Variants in SMARCA5 observed in about 807,000 individuals in gnomAD.
SMARCA5 encodes the protein SNF2 related chromatin remodeling ATPase 5.
Under a neutral mutation model 140.4 loss-of-function variants are expected in SMARCA5, and 18 were observed. That is an observed-to-expected ratio of 0.13 (90% CI 0.09 to 0.19). SMARCA5 has a LOEUF of 0.19. SMARCA5 is among the 10% of genes least tolerant of loss of function. SMARCA5 has a pLI of 1.00. For missense variants in SMARCA5, 606 were observed against 1,276.8 expected (o/e 0.47, Z 8.01); for synonymous variants, 449 against 419.6 (o/e 1.07, Z -0.86).
At chr4:143,530,800 ATAAT>A (rs1324358831) in intron 9 of SMARCA5, among the ~76,000 whole-genome samples, 1 of 152,102 alleles carries the variant, frequency 6.6e-6, no homozygotes, top group Non-Finnish European at 1.5e-5. Context: ...GAATTGCATA[ATAAT>A]TAATATAGAC....
At position 143,521,629 on chromosome 4, in the gene SMARCA5, A is replaced by C. The variant is rs1452134651; in HGVS notation, c.419+34A>C. 5 of 1,549,380 alleles carry C rather than the reference A, an allele frequency of 3.2e-6. No individual in the cohort carries two copies. In the South Asian group the frequency reaches 6.0e-5, roughly 19 times the overall value. On this transcript the variant is annotated intron_variant, in intron 3 of 23. Transcript: ENST00000283131. Reference sequence around the variant, plus strand: ...TAGTTTAAACTTCATAGTTCAACCAAACTTATTTTCGATAGTCTTCAGTGG... The same window carrying C: ...TAGTTTAAACTTCATAGTTCAACCACACTTATTTTCGATAGTCTTCAGTGG...
At chr4:143,526,556 G>C in intron 6 of SMARCA5, 96 bp downstream of exon 6, 1 of 775,796 alleles carries the variant, frequency 1.3e-6, no homozygotes, top group Admixed American at 2.5e-5. Flanking sequence ...AATGAGACGG[G>C]ATCTTCGCAA....
intron 4 of SMARCA5, 39 bp downstream of exon 4, chr4:143,524,506 T>A: frequency 7.6e-7 from 1 of 1,315,740 alleles, no homozygotes; most frequent in South Asian, 1.2e-5. Context: ...AAAATTGCCC[T>A]TTGAGATCTC....
intron 9 of SMARCA5, among the ~76,000 whole-genome samples, chr4:143,532,536 C>CT (rs1737211256): frequency 6.6e-6 from 1 of 152,144 alleles, no homozygotes. Flanking sequence ...TTCTCCTGCT[C>CT]TTTACTTTGA....
At chr4:143,552,664 A>T (rs1457127794) in intron 23 of SMARCA5, among the ~76,000 whole-genome samples, 1 of 152,050 alleles carries the variant, frequency 6.6e-6, no homozygotes, top group Non-Finnish European at 1.5e-5. Context: ...TATTTCAGTG[A>T]TGTTTTAGCA....
Position 143,547,512 on chromosome 4 carries a change from C to T in SMARCA5, c.2772+9C>T, listed in dbSNP as rs772285597. On this transcript the variant is annotated intron_variant, in intron 21 of 23. Coordinates refer to ENST00000283131, the MANE Select transcript of SMARCA5 (RefSeq NM_003601.4). The stretch of plus-strand genomic sequence containing the variant: ...AAGCACTTGACACAAAGGTAATTTG[C>T]TTGTTAATAAGTTAGGTAGTTAATA... 1 of 1,424,294 alleles carries T rather than the reference C, an allele frequency of 7.0e-7. No homozygotes were observed. Among genetic ancestry groups the T allele is most frequent in the Non-Finnish European group, 9.9e-7 (1 of 1,008,788 alleles). The allele number at this position is 1,424,294 out of a possible 1,614,324, so 88.2% of individuals were successfully genotyped here.
chr4:143,535,981 C>T (rs969764856), intron 10 of SMARCA5, among the ~76,000 whole-genome samples: 1 of 152,094 alleles, frequency 6.6e-6, no homozygotes, highest in African/African-American at 2.4e-5. Context: ...TTCTCATCAT[C>T]ATGCCTTACC....
At chr4:143,515,109 C>T (rs1470425133) in intron 1 of SMARCA5, among the ~76,000 whole-genome samples, 1 of 152,144 alleles carries the variant, frequency 6.6e-6, no homozygotes, top group Non-Finnish European at 1.5e-5. Flanking sequence ...CTGGGATTTT[C>T]CTATCCTTAG....
rs1474914406 is a variant in SMARCA5, at chr4:143,555,440, A to G, written c.*2256A>G. 3 of 585,360 alleles carry G rather than the reference A, an allele frequency of 5.1e-6. No homozygotes were observed. The highest frequency in any genetic ancestry group is 9.5e-6 in the Non-Finnish European group (3 of 316,200). The allele number at this position is 585,360 out of a possible 1,614,324, so 36.3% of individuals were successfully genotyped here. On this transcript the variant is annotated 3_prime_UTR_variant, in exon 24 of 24. Transcript: ENST00000283131. Reference sequence around the variant, plus strand: ...GATGACTGTATTTGTGACTAATTGTATAATAGTTTCTGTTCTGTGGAAAGT... The same window carrying G: ...GATGACTGTATTTGTGACTAATTGTGTAATAGTTTCTGTTCTGTGGAAAGT...
chr4:143,526,486 T>G, intron 6 of SMARCA5, 26 bp downstream of exon 6: 1 of 1,504,486 alleles, frequency 6.6e-7, no homozygotes. Flanking sequence ...TTCATTACAT[T>G]TTTGAGGCTA....
At chr4:143,542,822 A>T (rs1212265105) in intron 14 of SMARCA5, among the ~76,000 whole-genome samples, 6 of 152,174 alleles carry the variant, frequency 3.9e-5, no homozygotes, top group Non-Finnish European at 7.4e-5. Flanking sequence ...GATGATCCAG[A>T]TACATTTTCT....
chr4:143,520,030 G>A (rs759879568), intron 2 of SMARCA5, among the ~76,000 whole-genome samples: 12 of 151,968 alleles, frequency 7.9e-5, no homozygotes, highest in African/African-American at 1.2e-4. Context: ...TTTAATTTCC[G>A]TTTGATTTTA....
intron 1 of SMARCA5, 81 bp from the exon 2 acceptor site, chr4:143,517,274 T>G: frequency 1.1e-6 from 1 of 897,226 alleles, no homozygotes; most frequent in East Asian, 2.7e-5. Context: ...ATTTAAGATG[T>G]GTTTTGGTCA....
At chr4:143,518,675 ATG>A (rs1736893005) in intron 2 of SMARCA5, among the ~76,000 whole-genome samples, 1 of 152,116 alleles carries the variant, frequency 6.6e-6, no homozygotes, top group Non-Finnish European at 1.5e-5. Flanking sequence ...ATATAACACT[ATG>A]TAAATTATAA....
Position 143,556,970 on chromosome 4 carries a change from A to C in SMARCA5, c.*3786A>C, listed in dbSNP as rs1359285310. Reference sequence around the variant, plus strand: ...GAAGTGGAATAGTTTCTCCACAGGCATAAGAGGCAAAGCATTGTTTCAGAA... The same window carrying C: ...GAAGTGGAATAGTTTCTCCACAGGCCTAAGAGGCAAAGCATTGTTTCAGAA... On this transcript the variant is annotated 3_prime_UTR_variant, in exon 24 of 24. Coordinates refer to ENST00000283131, the MANE Select transcript of SMARCA5 (RefSeq NM_003601.4). The C allele has an allele frequency of 6.6e-6, 1 of 152,256 alleles. No homozygotes were observed. The highest frequency in any genetic ancestry group is 1.5e-5 in the Non-Finnish European group (1 of 68,054). The allele number at this position is 152,256 out of a possible 1,614,324, so 9.4% of individuals were successfully genotyped here.
At chr4:143,523,093 C>T (rs1736996435) in intron 3 of SMARCA5, among the ~76,000 whole-genome samples, 1 of 152,070 alleles carries the variant, frequency 6.6e-6, no homozygotes, top group African/African-American at 2.4e-5. Context: ...GGAGTGCGTG[C>T]AGTGGTGTGA....
At chr4:143,525,592 T>C (rs1311402354) in intron 5 of SMARCA5, 41 bp downstream of exon 5, 1 of 1,285,534 alleles carries the variant, frequency 7.8e-7, no homozygotes, top group South Asian at 1.2e-5. Context: ...TGTTTTGTAT[T>C]GAAAATATCT....
At chr4:143,544,151 C>A (rs1260306031) in intron 16 of SMARCA5, 179 bp downstream of exon 16, 5 of 391,086 alleles carry the variant, frequency 1.3e-5, no homozygotes, top group Non-Finnish European at 2.3e-5. Flanking sequence ...TTGGTAAGCT[C>A]TGAAATATTT....
In SMARCA5 at chr4:143,553,173, C is replaced by T. The variant is rs1737679361; in HGVS notation, c.3148C>T (p.Leu1050=). Residue 1050 remains leucine, a synonymous_variant, in exon 24 of 24, where the codon CTG becomes TTG. Coordinates refer to ENST00000283131, the MANE Select transcript of SMARCA5 (RefSeq NM_003601.4). The part of the protein sequence containing the change: ...APDGRGRKKK[L]KL ...TGATGGTCGAGGAAGAAAAAAGAAG[C>T]TGAAACTATGAATATGTTTTTGTTT... The T allele has an allele frequency of 5.0e-6, 8 of 1,611,258 alleles. No homozygotes were observed. Among genetic ancestry groups the T allele is most frequent in the Non-Finnish European group, 6.8e-6 (8 of 1,177,656 alleles).
Sources: gnomAD v4.1 joint callset for allele counts (sites outside exome capture counted in the v4.1 genomes callset) on GRCh38, gnomAD v4.1.1 for gene constraint, MANE v1.5 for transcripts, NCBI Gene and HGNC (gene_info 2026-07-23, HGNC 2026-07-21) for gene names.